Variants in SV2B observed in about 807,000 individuals in gnomAD.
SV2B encodes synaptic vesicle glycoprotein 2B, also known as solute carrier family 22 member B2.
In SV2B, 41 loss-of-function variants were observed where a neutral mutation model predicts 73.9. The ratio of observed to expected loss-of-function variants is 0.56; its 90% CI spans 0.43 to 0.72. The LOEUF (loss-of-function observed/expected upper bound fraction) is 0.72. Ranked by LOEUF, SV2B falls within the 30% of genes least tolerant of loss-of-function variation. The pLI is 0.00. For missense variants in SV2B, 764 were observed against 857.8 expected (o/e 0.89, Z 1.37); for synonymous variants, 314 against 314.2 (o/e 1.00, Z 0.01).
chr15:91,191,250 T>A (rs2045016881), intron 1 of SV2B, among the ~76,000 whole-genome samples: 1 of 151,562 alleles, frequency 6.6e-6, no homozygotes, highest in Admixed American at 6.6e-5. Flanking sequence ...ATTTTTAGTT[T>A]CAATTGACAA....
At position 91,214,185 on chromosome 15, in the gene SV2B, G is replaced by A. The variant is rs1475001529; in HGVS notation, c.-391-11688G>A. Among the ~76,000 whole-genome samples, 1 of 152,218 alleles carries A rather than the reference G, an allele frequency of 6.6e-6. No homozygotes were observed. Among genetic ancestry groups the A allele is most frequent in the Admixed American group, 6.5e-5 (1 of 15,292 alleles). On this transcript the variant is annotated intron_variant, in intron 1 of 12. Coordinates refer to ENST00000394232, the MANE Select transcript of SV2B (RefSeq NM_001323032.3). The surrounding 1 kb of genome is among the most constrained non-coding windows in gnomAD (Gnocchi z 4.7). ...TGGCATGGACTGGTGGAGTGGGGTA[G>A]TGGTGACCCCAACCTGGGGATGAGG...
chr15:91,212,017 A>G (rs892781612), intron 1 of SV2B, among the ~76,000 whole-genome samples: 1 of 152,184 alleles, frequency 6.6e-6, no homozygotes, highest in African/African-American at 2.4e-5. Context: ...AAAAAAATGC[A>G]TGTTGAAATG....
rs2042849987 is a variant in SV2B at position 91,137,009 on chromosome 15, CA to C, written c.-392+36650del. Among the ~76,000 whole-genome samples, 1 of 152,070 alleles carries C rather than the reference CA, an allele frequency of 6.6e-6. No individual in the cohort carries two copies. The highest frequency in any genetic ancestry group is 2.4e-5 in the African/African-American group (1 of 41,404). Reference sequence around the variant, plus strand: ...CGCAGAAGACAACCTGCAGGCAAAGCAAAAGCACTGGTATGTGATTTTTAGG... The same window carrying C: ...CGCAGAAGACAACCTGCAGGCAAAGCAAAGCACTGGTATGTGATTTTTAGG... On this transcript the variant is annotated intron_variant, in intron 1 of 12. Coordinates refer to ENST00000394232, the MANE Select transcript of SV2B (RefSeq NM_001323032.3). This position sits in a 1 kb window ranked among gnomAD's most constrained non-coding sequence, Gnocchi z 4.9.
At chr15:91,209,107 G>GTTTTTT (rs1362781398) in intron 1 of SV2B, among the ~76,000 whole-genome samples, 7 of 121,968 alleles carry the variant, frequency 5.7e-5, no homozygotes, top group African/African-American at 1.8e-4. Flanking sequence ...TGGCAGTACT[G>GTTTTTT]TTTTTTGTTT....
At chr15:91,222,776 T>C (rs766033663) in intron 1 of SV2B, among the ~76,000 whole-genome samples, 19 of 152,222 alleles carry the variant, frequency 1.2e-4, no homozygotes, top group Non-Finnish European at 2.5e-4. Flanking sequence ...AGTTTCTTAA[T>C]CTGTGTAACG....
chr15:91,155,620 T>C (rs2188460), intron 1 of SV2B, among the ~76,000 whole-genome samples: 43,625 of 151,872 alleles, frequency 0.29, 6,764 homozygotes, highest in Non-Finnish European at 0.33. Context: ...TTACCAGAGA[T>C]CCGAGGGTCA....
At position 91,139,915 on chromosome 15, in the gene SV2B, G is replaced by A. The variant is rs2042952060; in HGVS notation, c.-392+39552G>A. On this transcript the variant is annotated intron_variant, in intron 1 of 12. Coordinates refer to ENST00000394232, the MANE Select transcript of SV2B (RefSeq NM_001323032.3). This position sits in a 1 kb window ranked among gnomAD's most constrained non-coding sequence, Gnocchi z 5.2. ...AAGATCCGGCCACTTTGTTCCTAGA[G>A]TTTGGTGAGAGTGACAGCCTGCGTC... Among the ~76,000 whole-genome samples the A allele has an allele frequency of 6.6e-6, 1 of 152,216 alleles. No homozygotes were observed. The highest frequency in any genetic ancestry group is 2.1e-4 in the South Asian group (1 of 4,826).
intron 5 of SV2B, among the ~76,000 whole-genome samples, chr15:91,259,351 G>A (rs1452689867): frequency 6.6e-6 from 1 of 152,102 alleles, no homozygotes. Flanking sequence ...AGGCAGAGGG[G>A]CAACAGGACC....
Position 91,289,654 on chromosome 15 carries a change from A to G in SV2B, c.1842A>G (p.Thr614=). 6.2e-7 allele frequency: 1 copy of G among 1,613,702 alleles called. No individual in the cohort carries two copies. Among genetic ancestry groups the G allele is most frequent in the Non-Finnish European group, 8.5e-7 (1 of 1,180,010 alleles). Reference sequence around the variant, plus strand: ...CCTGGAATGCTCTGGATGTGATCACAGTGGAGCTGTATCCCACCAACCAGA... The same window carrying G: ...CCTGGAATGCTCTGGATGTGATCACGGTGGAGCTGTATCCCACCAACCAGA... The part of the protein sequence containing the change: ...IAAWNALDVI[T]VELYPTNQRA... Residue 614 remains threonine (T), a synonymous_variant, in exon 12 of 13, where the codon ACA becomes ACG. Transcript: ENST00000394232. This position sits in a 1 kb window ranked among gnomAD's most constrained non-coding sequence, Gnocchi z 4.9.
Position 91,229,024 on chromosome 15 carries a change from G to C in SV2B, c.451+2310G>C, listed in dbSNP as rs1215865114. Among the ~76,000 whole-genome samples the C allele has an allele frequency of 6.6e-6, 1 of 152,216 alleles. No individual in the cohort carries two copies. The highest frequency in any genetic ancestry group is 1.5e-5 in the Non-Finnish European group (1 of 68,032). ...GTGTTGAGCAGGGGTTTGACCGAAG[G>C]TCTATTTGACTTCAAAGTCTATGCC... On this transcript the variant is annotated intron_variant, in intron 2 of 12. Coordinates refer to ENST00000394232, the MANE Select transcript of SV2B (RefSeq NM_001323032.3). The surrounding 1 kb of genome is among the most constrained non-coding windows in gnomAD (Gnocchi z 4.3).
intron 1 of SV2B, among the ~76,000 whole-genome samples, chr15:91,161,542 A>G (rs1204123106): frequency 6.6e-6 from 1 of 152,214 alleles, no homozygotes; most frequent in Non-Finnish European, 1.5e-5. Context: ...CTTACAATGT[A>G]TTAGGCACTG....
At chr15:91,179,992 GGTCTTT>G (rs1455363656) in intron 1 of SV2B, among the ~76,000 whole-genome samples, 18 of 151,366 alleles carry the variant, frequency 1.2e-4, no homozygotes, top group African/African-American at 3.9e-4. Flanking sequence ...TAGTCTCGAT[GGTCTTT>G]ACATTTTGGC....
At chr15:91,286,397 G>C (rs1043265109) in intron 11 of SV2B, among the ~76,000 whole-genome samples, 1 of 152,170 alleles carries the variant, frequency 6.6e-6, no homozygotes, top group African/African-American at 2.4e-5. Context: ...CAGCGGAGTA[G>C]AAGTTTTCCT....
Position 91,234,692 on chromosome 15 carries a change from G to C in SV2B, c.451+7978G>C, listed in dbSNP as rs1473019356. ...TTGGTCAATTCCCAGACTTGAGCCA[G>C]TTTACAGACCCAGAAACCCTTGAAT... On this transcript the variant is annotated intron_variant, in intron 2 of 12. Coordinates refer to ENST00000394232, the MANE Select transcript of SV2B (RefSeq NM_001323032.3). The surrounding 1 kb of genome is among the most constrained non-coding windows in gnomAD (Gnocchi z 5.6). 6.6e-6 allele frequency among the ~76,000 whole-genome samples: 1 copy of C among 152,174 alleles called. No homozygotes were observed. The highest frequency in any genetic ancestry group is 1.5e-5 in the Non-Finnish European group (1 of 68,026).
At chr15:91,243,387 T>G (rs1214516950) in intron 2 of SV2B, among the ~76,000 whole-genome samples, 1 of 152,208 alleles carries the variant, frequency 6.6e-6, no homozygotes, top group African/African-American at 2.4e-5. Context: ...CAAGGCAATT[T>G]CAGGGTTCTT....
At chr15:91,158,922 A>C (rs554555698) in intron 1 of SV2B, among the ~76,000 whole-genome samples, 3 of 151,674 alleles carry the variant, frequency 2.0e-5, no homozygotes, top group African/African-American at 7.3e-5. Context: ...CCCTTTTGCA[A>C]ATTTAGTTCA....
chr15:91,172,522 G>A (rs999571319), intron 1 of SV2B, among the ~76,000 whole-genome samples: 5 of 152,200 alleles, frequency 3.3e-5, no homozygotes, highest in African/African-American at 1.2e-4. Context: ...TCAGAACAGA[G>A]GGCACAGAGG....
intron 1 of SV2B, among the ~76,000 whole-genome samples, chr15:91,213,252 A>G (rs7173778): frequency 0.023 from 3,527 of 152,284 alleles, 130 homozygotes; most frequent in East Asian, 0.12. Context: ...AATAGGACCA[A>G]TAGACTCATG....
chr15:91,160,258 G>A (rs1446279070), intron 1 of SV2B, among the ~76,000 whole-genome samples: 3 of 152,134 alleles, frequency 2.0e-5, no homozygotes, highest in African/African-American at 7.2e-5. Flanking sequence ...GTGTGGAAAT[G>A]GCTGAGAAAA....
Sources: allele counts gnomAD v4.1 joint callset (sites outside exome capture counted in the v4.1 genomes callset), GRCh38; gene constraint gnomAD v4.1.1; non-coding constraint Gnocchi (gnomAD v3.1); transcripts MANE v1.5; gene names NCBI Gene and HGNC (gene_info 2026-07-23, HGNC 2026-07-21).